The following RANBP2 variants were observed in gnomAD, a reference collection of about 807,000 sequenced individuals.
The protein encoded by RANBP2 is E3 SUMO-protein ligase RanBP2.
A neutral mutation model predicts 303.6 loss-of-function variants in RANBP2; 57 were observed. The observed-to-expected ratio is 0.19, with a 90% CI of 0.15 to 0.23. RANBP2 has a LOEUF of 0.23. RANBP2 is among the 10% of genes least tolerant of loss of function. The pLI, the probability that RANBP2 is intolerant of heterozygous loss-of-function variation, is 1.00. For missense variants in RANBP2, 3,138 were observed against 3,780.8 expected, an observed-to-expected ratio of 0.83 and a Z score of 4.46; for synonymous variants, 1,167 against 1,301.5, an observed-to-expected ratio of 0.90 and a Z score of 2.23.
chr2:108,912,523 CG>C, the RANBP2 span, among the ~76,000 whole-genome samples: 1 of 152,160 alleles, frequency 6.6e-6, no homozygotes, highest in African/African-American at 2.4e-5. Flanking sequence ...ACTTCCTGCA[CG>C]GGGGGCAACA....
At chr2:109,717,267 CAAA>C in the RANBP2 span, among the ~76,000 whole-genome samples, 1 of 69,366 alleles carries the variant, frequency 1.4e-5, no homozygotes, top group Non-Finnish European at 3.2e-5. Flanking sequence ...AAATTAAAAA[CAAA>C]CCAAAAAAAA....
chr2:109,145,588 G>A, the RANBP2 span, among the ~76,000 whole-genome samples: 2 of 152,198 alleles, frequency 1.3e-5, no homozygotes, highest in Non-Finnish European at 2.9e-5. Flanking sequence ...ACTGTTGCAC[G>A]CATGGTCGAG....
At chr2:109,153,005 C>T in the RANBP2 span, among the ~76,000 whole-genome samples, 2,652 of 152,290 alleles carry the variant, frequency 0.017, 239 homozygotes, top group East Asian at 0.25. Context: ...TTGAGCCTGT[C>T]TTAGAAGCAC....
the RANBP2 span, among the ~76,000 whole-genome samples, chr2:109,230,223 GTTTGACTTTAGAGTT>G: frequency 6.6e-6 from 1 of 152,030 alleles, no homozygotes; most frequent in Non-Finnish European, 1.5e-5. Context: ...ACTTGGGATG[GTTTGACTTTAGAGTT>G]TTTGACTTTA....
At chr2:108,827,194 C>T in the RANBP2 span, among the ~76,000 whole-genome samples, 1 of 151,970 alleles carries the variant, frequency 6.6e-6, no homozygotes, top group Non-Finnish European at 1.5e-5. Flanking sequence ...ATTTTCATCA[C>T]TTTAAAATAA....
chr2:109,078,918 G>A, the RANBP2 span, among the ~76,000 whole-genome samples: 20 of 151,930 alleles, frequency 1.3e-4, no homozygotes, highest in African/African-American at 4.8e-4. Context: ...ATGAACCCGG[G>A]AGGCGGAGCT....
At chr2:108,735,396 T>C in intron 4 of RANBP2, 136 bp from the exon 5 acceptor site, 1 of 1,534,612 alleles carries the variant, frequency 6.5e-7, no homozygotes, top group Non-Finnish European at 8.8e-7. Flanking sequence ...AAGGGATGAA[T>C]AAGGTATATA....
the RANBP2 span, among the ~76,000 whole-genome samples, chr2:109,335,997 G>A: frequency 6.6e-6 from 1 of 152,168 alleles, no homozygotes; most frequent in South Asian, 2.1e-4. Context: ...AGACATTCGG[G>A]CTGATTTAAG....
At chr2:109,466,793 GTATC>G in the RANBP2 span, among the ~76,000 whole-genome samples, 4 of 151,624 alleles carry the variant, frequency 2.6e-5, no homozygotes, top group African/African-American at 7.3e-5. Flanking sequence ...GTGCATGTGT[GTATC>G]TATATGTGTG....
At chr2:109,129,793 A>G in the RANBP2 span, 6 of 1,539,108 alleles carry the variant, frequency 3.9e-6, no homozygotes, top group Middle Eastern at 7.1e-4. Flanking sequence ...CCTGGAGAGC[A>G]TCGTGTGCTC....
the RANBP2 span, among the ~76,000 whole-genome samples, chr2:109,150,911 C>A: frequency 2.6e-5 from 4 of 152,066 alleles, no homozygotes; most frequent in Non-Finnish European, 5.9e-5. Flanking sequence ...TATGGCTGAA[C>A]ATAAAGAGCA....
the RANBP2 span, chr2:109,615,615 A>C: frequency 6.2e-7 from 1 of 1,613,592 alleles, no homozygotes; most frequent in Non-Finnish European, 8.5e-7. Flanking sequence ...CTACAGTGGG[A>C]AAAAGGCCTC....
chr2:109,014,991 A>G, the RANBP2 span, among the ~76,000 whole-genome samples: 3 of 151,914 alleles, frequency 2.0e-5, no homozygotes, highest in Non-Finnish European at 4.4e-5. Context: ...GTGGTGGCAC[A>G]TGCCTGTAAT....
the RANBP2 span, among the ~76,000 whole-genome samples, chr2:108,953,734 C>T: frequency 3.3e-5 from 5 of 151,892 alleles, no homozygotes; most frequent in Non-Finnish European, 7.4e-5. Flanking sequence ...AGGCTGGTGG[C>T]GATGGAAACA....
At chr2:108,789,007 A>T (rs1174386789), downstream of RANBP2, 3 of 1,604,638 alleles carry the variant, frequency 1.9e-6, no homozygotes, top group East Asian at 2.2e-5. Flanking sequence ...CCCCCTCAGT[A>T]TCTCAAAAAA....
At chr2:109,495,403 ATCGTAGAGAGGCTT>A in the RANBP2 span, among the ~76,000 whole-genome samples, 1 of 147,646 alleles carries the variant, frequency 6.8e-6, no homozygotes, top group Non-Finnish European at 1.5e-5. Flanking sequence ...AGTATCAAGT[ATCGTAGAGAGGCTT>A]TGAGTAGACA....
the RANBP2 span, among the ~76,000 whole-genome samples, chr2:109,375,936 T>C: frequency 1.3e-5 from 2 of 152,344 alleles, no homozygotes; most frequent in East Asian, 1.9e-4. Flanking sequence ...CACCTGCACA[T>C]TGGGGGCATG....
the RANBP2 span, among the ~76,000 whole-genome samples, chr2:109,717,976 T>G: frequency 1.3e-5 from 2 of 152,098 alleles, no homozygotes; most frequent in African/African-American, 4.8e-5. Flanking sequence ...AGGAATAAAT[T>G]ACCTAAACAT....
rs1449913152 is a variant in RANBP2 at position 108,720,085 on chromosome 2, G to C, written c.72+407G>C. ...CCTGGACATATACTTTATATGCTGC[G>C]GCGGAGGTCGTACCTCCTTGGCCTG... On this transcript the variant is annotated intron_variant, in intron 1 of 28. Coordinates refer to ENST00000283195, the MANE Select transcript of RANBP2 (RefSeq NM_006267.5). 7.0e-5 allele frequency: 69 copies of C among 984,550 alleles called. 1 individual carries two copies. Among genetic ancestry groups the C allele is most frequent in the Non-Finnish European group, 8.1e-5 (67 of 829,838 alleles). The allele number at this position is 984,550 out of a possible 1,614,324, so 61.0% of individuals were successfully genotyped here. A position where few individuals can be genotyped will look rare whatever the true frequency, so the allele number is the denominator to read the frequency against.
Sources: gnomAD v4.1 joint callset for allele counts (sites outside exome capture counted in the v4.1 genomes callset) on GRCh38, gnomAD v4.1.1 for gene constraint, MANE v1.5 for transcripts, NCBI Gene and HGNC (gene_info 2026-07-23, HGNC 2026-07-21) for gene names.